The following CCDC178 variants were observed in gnomAD, a reference collection of about 807,000 sequenced individuals.
The protein encoded by CCDC178 is coiled-coil domain containing 178.
A neutral mutation model predicts 117.4 loss-of-function variants in CCDC178; 126 were observed. That is an observed-to-expected ratio of 1.07 (90% CI 0.93 to 1.24). CCDC178 has a LOEUF of 1.24. Among genes scored for constraint, CCDC178 ranks in the 50% most tolerant of loss-of-function variants. The pLI, the probability that CCDC178 is intolerant of heterozygous loss-of-function variation, is 0.00. For missense variants in CCDC178, 1,030 were observed against 986.9 expected (o/e 1.04, Z -0.59); for synonymous variants, 283 against 313.4 (o/e 0.90, Z 1.02).
intron 11 of CCDC178, among the ~76,000 whole-genome samples, chr18:33,299,408 A>T (rs2144900671): frequency 6.6e-6 from 1 of 152,212 alleles, no homozygotes; most frequent in Non-Finnish European, 1.5e-5. Context: ...ATATGGAATA[A>T]TAAAAATAGA....
At chr18:33,062,942 G>A (rs1282785628) in intron 21 of CCDC178, among the ~76,000 whole-genome samples, 1 of 152,156 alleles carries the variant, frequency 6.6e-6, no homozygotes, top group African/African-American at 2.4e-5. Flanking sequence ...GCTGACCAGT[G>A]TGCTAGGAAA....
intron 4 of CCDC178, among the ~76,000 whole-genome samples, chr18:33,390,977 A>T (rs1287969012): frequency 6.6e-6 from 1 of 151,704 alleles, no homozygotes; most frequent in East Asian, 1.9e-4. Context: ...TCACTAAAGC[A>T]TAAAATAAGG....
chr18:33,197,031 C>T (rs1446646339), intron 20 of CCDC178, among the ~76,000 whole-genome samples: 1 of 151,938 alleles, frequency 6.6e-6, no homozygotes, highest in Non-Finnish European at 1.5e-5. Flanking sequence ...TTTTTCATTT[C>T]ATTTTAATTT....
rs565985136 is a variant in CCDC178, at chr18:33,320,743, A to C, written c.1022+2748T>G. Among the ~76,000 whole-genome samples the C allele has an allele frequency of 6.3e-3, 967 of 152,322 alleles. 8 individuals carry two copies. The highest frequency in any genetic ancestry group is 0.022 in the African/African-American group (917 of 41,562). On this transcript the variant is annotated intron_variant, in intron 11 of 22. Coordinates refer to ENST00000383096, the MANE Select transcript of CCDC178 (RefSeq NM_001105528.4). ...CACAGAATTGGAAAAAAACTACTTTAAAGTTCATATGGAACCAAAAAAGAG... is the reference window on the plus strand; with the variant it reads ...CACAGAATTGGAAAAAAACTACTTTCAAGTTCATATGGAACCAAAAAAGAG...
intron 10 of CCDC178, 143 bp downstream of exon 10, chr18:33,333,031 T>C (rs948459446): frequency 2.0e-5 from 10 of 488,616 alleles, no homozygotes; most frequent in Non-Finnish European, 3.6e-5. Context: ...ATACCAACAG[T>C]TGGTAATGTG....
At chr18:33,345,473 A>G (rs1178654780) in intron 9 of CCDC178, among the ~76,000 whole-genome samples, 3 of 152,188 alleles carry the variant, frequency 2.0e-5, no homozygotes, top group African/African-American at 7.2e-5. Flanking sequence ...AGGTTTTGAT[A>G]CCTGCTAGAA....
At chr18:33,369,876 G>C (rs916996821) in intron 6 of CCDC178, among the ~76,000 whole-genome samples, 174 bp downstream of exon 6, 5 of 151,980 alleles carry the variant, frequency 3.3e-5, no homozygotes, top group African/African-American at 1.2e-4. Context: ...CTTCTGGAGT[G>C]AGACTATCAA....
chr18:33,420,363 A>T (rs2064007518), intron 2 of CCDC178, among the ~76,000 whole-genome samples: 1 of 152,038 alleles, frequency 6.6e-6, no homozygotes, highest in African/African-American at 2.4e-5. Context: ...CATTATTATT[A>T]TTATTTTTTT....
chr18:33,243,976 C>A (rs2059517606), intron 15 of CCDC178, among the ~76,000 whole-genome samples: 1 of 151,800 alleles, frequency 6.6e-6, no homozygotes, highest in Non-Finnish European at 1.5e-5. Context: ...GAATCATATG[C>A]CTTGTATTTT....
At chr18:33,167,047 G>C (rs1485914183) in intron 20 of CCDC178, among the ~76,000 whole-genome samples, 1 of 152,116 alleles carries the variant, frequency 6.6e-6, no homozygotes, top group East Asian at 1.9e-4. Flanking sequence ...TTCTGTTCCT[G>C]TGTTAGTTTG....
intron 21 of CCDC178, among the ~76,000 whole-genome samples, chr18:33,030,142 T>C (rs1255086835): frequency 6.6e-6 from 1 of 152,090 alleles, no homozygotes; most frequent in Non-Finnish European, 1.5e-5. Flanking sequence ...AAATTTATTT[T>C]AGGGCTCTGT....
chr18:33,264,369 T>C (rs984279753), intron 14 of CCDC178, among the ~76,000 whole-genome samples: 2 of 152,058 alleles, frequency 1.3e-5, no homozygotes, highest in African/African-American at 4.8e-5. Flanking sequence ...TTCTCTTCTT[T>C]AGGAACATGA....
At position 33,370,114 on chromosome 18, in the gene CCDC178, C is replaced by A. The variant is rs2063276062; in HGVS notation, c.284G>T (p.Cys95Phe). 6.2e-7 allele frequency: 1 copy of A among 1,606,048 alleles called. No individual in the cohort carries two copies. Among genetic ancestry groups the A allele is most frequent in the Non-Finnish European group, 8.5e-7 (1 of 1,176,526 alleles). The stretch of plus-strand genomic sequence containing the variant: ...GATGTGTGAAATCATTTTGTTGACA[C>A]AAGGTGCTGGAATATTTACTACGGC... ...SCAVVNIPAP[C>F]VNKMISHIQD... Residue 95 changes from cysteine to phenylalanine, a missense_variant, in exon 6 of 23, where the codon TGT becomes TTT. Cys to Phe is a radical substitution (Grantham distance 205). Transcript: ENST00000383096.
At chr18:33,040,240 C>T (rs1483644622) in intron 21 of CCDC178, among the ~76,000 whole-genome samples, 1 of 151,672 alleles carries the variant, frequency 6.6e-6, no homozygotes. Flanking sequence ...AAATAAAATA[C>T]CAACTTACAA....
Position 33,266,952 on chromosome 18 carries a change from A to G in CCDC178, c.1373T>C (p.Ile458Thr), listed in dbSNP as rs1299557842. The change falls in exon 14 of 23, where the codon ATT (isoleucine) becomes ACT (threonine). Residue 458 changes from isoleucine to threonine, a missense_variant. Transcript: ENST00000383096. ...TTTTACTGTTATTTTGTTAATATCA[A>G]TCTCAAGTTTTTTATTGTCTTCCGT... ...KLTEDNKKLEIDINKITVKTN... is the reference protein window; with the variant it reads ...KLTEDNKKLETDINKITVKTN... 13 of 1,587,362 alleles carry G rather than the reference A, an allele frequency of 8.2e-6. No individual in the cohort carries two copies. In the African/African-American group the frequency reaches 1.5e-4, roughly 18 times the overall value.
intron 22 of CCDC178, among the ~76,000 whole-genome samples, chr18:32,952,557 C>G (rs913142897): frequency 1.3e-5 from 2 of 152,162 alleles, no homozygotes; most frequent in African/African-American, 4.8e-5. Flanking sequence ...TGGGCCAAGT[C>G]CATTAATCAT....
intron 15 of CCDC178, among the ~76,000 whole-genome samples, chr18:33,239,287 G>T (rs1324342014): frequency 6.6e-6 from 1 of 151,828 alleles, no homozygotes; most frequent in Non-Finnish European, 1.5e-5. Context: ...GATGAAGTAA[G>T]AAACATAGGA....
At chr18:33,370,761 G>A (rs1479420535) in intron 5 of CCDC178, among the ~76,000 whole-genome samples, 1 of 151,926 alleles carries the variant, frequency 6.6e-6, no homozygotes, top group Non-Finnish European at 1.5e-5. Flanking sequence ...CATACGAAGA[G>A]TGATTAATGT....
intron 20 of CCDC178, among the ~76,000 whole-genome samples, chr18:33,146,221 T>C (rs753654996): frequency 6.6e-4 from 101 of 152,228 alleles, no homozygotes; most frequent in Non-Finnish European, 1.3e-3. Context: ...TGTTGGTTAC[T>C]GCTAGCTGTG....
Sources: gnomAD v4.1 joint callset for allele counts (sites outside exome capture counted in the v4.1 genomes callset) on GRCh38, gnomAD v4.1.1 for gene constraint, MANE v1.5 for transcripts, NCBI Gene and HGNC (gene_info 2026-07-23, HGNC 2026-07-21) for gene names.